The following NRG1 variants were observed in gnomAD, a reference collection of about 807,000 sequenced individuals.
NRG1 encodes the protein neuregulin 1, also known as pro-neuregulin-1, membrane-bound isoform.
A neutral mutation model predicts 63.8 loss-of-function variants in NRG1; 18 were observed. The observed-to-expected ratio is 0.28, with a 90% CI of 0.19 to 0.42. The LOEUF is 0.42. Among genes scored for constraint, NRG1 ranks in the 10% least tolerant of loss-of-function variants. The pLI is 1.00. For missense variants in NRG1, 762 were observed against 814.7 expected, an observed-to-expected ratio of 0.94 and a Z score of 0.79; for synonymous variants, 302 against 301.3, an observed-to-expected ratio of 1.00 and a Z score of -0.02.
intron 1 of NRG1, among the ~76,000 whole-genome samples, chr8:32,432,866 C>T (rs1026545395): frequency 6.6e-6 from 1 of 152,104 alleles, no homozygotes; most frequent in Non-Finnish European, 1.5e-5. Flanking sequence ...TTCAGCAAGT[C>T]GCATTCGGGT....
intron 1 of NRG1, among the ~76,000 whole-genome samples, chr8:32,303,183 C>CAAAAAAAA (rs1563291349): frequency 1.7e-4 from 10 of 59,698 alleles, no homozygotes; most frequent in Non-Finnish European, 2.6e-4. Context: ...AACTCAGTCT[C>CAAAAAAAA]CAAAAAAAAA....
intron 1 of NRG1, among the ~76,000 whole-genome samples, chr8:32,170,420 C>T (rs1204410654): frequency 2.0e-5 from 3 of 152,096 alleles, no homozygotes; most frequent in African/African-American, 4.8e-5. Flanking sequence ...ATATCCACAG[C>T]GTCTTAGCAG....
intron 1 of NRG1, among the ~76,000 whole-genome samples, chr8:31,720,982 G>A (rs772000373): frequency 6.6e-6 from 1 of 152,120 alleles, no homozygotes; most frequent in Non-Finnish European, 1.5e-5. Flanking sequence ...AACTGATAGA[G>A]GGAAGCCAGG....
intron 1 of NRG1, among the ~76,000 whole-genome samples, chr8:31,772,578 G>A (rs1179854302): frequency 1.3e-5 from 2 of 152,222 alleles, no homozygotes; most frequent in East Asian, 3.9e-4. Flanking sequence ...TGGGAAGGTA[G>A]GTGTCAGGAT....
At chr8:32,704,528 TAAAC>T (rs1333124640) in intron 5 of NRG1, among the ~76,000 whole-genome samples, 1 of 152,146 alleles carries the variant, frequency 6.6e-6, no homozygotes, top group East Asian at 1.9e-4. Flanking sequence ...AACCGTAAGA[TAAAC>T]AAACAAAAGG....
chr8:32,527,060 G>C (rs1224578038), intron 1 of NRG1, among the ~76,000 whole-genome samples: 1 of 152,042 alleles, frequency 6.6e-6, no homozygotes, highest in Non-Finnish European at 1.5e-5. Flanking sequence ...TCTGTACTTG[G>C]ACTCAAAGAC....
At chr8:32,568,872 A>C (rs1837968936) in intron 1 of NRG1, among the ~76,000 whole-genome samples, 1 of 152,172 alleles carries the variant, frequency 6.6e-6, no homozygotes, top group Non-Finnish European at 1.5e-5. Context: ...TCTTGTTAGT[A>C]CAGAGAAATA....
At chr8:32,383,962 C>G (rs1202101774) in intron 1 of NRG1, among the ~76,000 whole-genome samples, 1 of 152,168 alleles carries the variant, frequency 6.6e-6, no homozygotes, top group Non-Finnish European at 1.5e-5. Context: ...AAGCTGGGCA[C>G]AGTGGCTCAC....
intron 1 of NRG1, among the ~76,000 whole-genome samples, chr8:31,757,743 A>T (rs978901703): frequency 6.6e-6 from 1 of 152,158 alleles, no homozygotes; most frequent in Non-Finnish European, 1.5e-5. Context: ...ACACGATAGT[A>T]TCACATTTTT....
Position 31,813,632 on chromosome 8 carries a change from C to T in NRG1, c.37+174201C>T, listed in dbSNP as rs370531894. Among the ~76,000 whole-genome samples the T allele has an allele frequency of 1.7e-4, 26 of 151,532 alleles. No individual in the cohort carries two copies. In the East Asian group the frequency reaches 3.5e-3, roughly 21 times the overall value. ...AACCTCCTGGGATCAAGTGACTCCC[C>T]TGCCTCAACCCCCTGACCCTCACTA... On this transcript the variant is annotated intron_variant, in intron 1 of 10. Transcript: ENST00000519301.
rs193191797 is a variant in NRG1, at chr8:32,127,172, T to C, written c.38-468656T>C. ...TGACTCTTTAGCTGAAAGCCTAGGATGTAGGACAAGTGGCTAACCTGTTTT... is the reference window on the plus strand; with the variant it reads ...TGACTCTTTAGCTGAAAGCCTAGGACGTAGGACAAGTGGCTAACCTGTTTT... On this transcript the variant is annotated intron_variant, in intron 1 of 10. Transcript: ENST00000519301. Among the ~76,000 whole-genome samples, 10 of 152,084 alleles carry C rather than the reference T, an allele frequency of 6.6e-5. No homozygotes were observed. The East Asian group carries it at 1.9e-3, about 30-fold the overall frequency.
chr8:32,608,111 T>G lies in NRG1; in HGVS notation c.400+2428T>G, dbSNP rs867922200. The stretch of plus-strand genomic sequence containing the variant: ...TTTTTTGTTTTTTTTTTTTTTGTTT[T>G]TTTTTTTTTTTGCTTCATTCCTACC... On this transcript the variant is annotated intron_variant, in intron 3 of 11. Transcript: ENST00000356819. Among the ~76,000 whole-genome samples the G allele has an allele frequency of 1.1e-3, 151 of 136,986 alleles. 1 individual carries two copies. The highest frequency in any genetic ancestry group is 3.7e-3 in the Middle Eastern group (1 of 272). The allele number at this position is 136,986 out of a possible 152,430, so 89.9% of individuals were successfully genotyped here.
In NRG1 at chr8:31,943,593, G is replaced by A. The variant is rs932133683; in HGVS notation, c.37+304162G>A. On this transcript the variant is annotated intron_variant, in intron 1 of 10. Coordinates refer to the NRG1 transcript ENST00000519301. Reference sequence around the variant, plus strand: ...TGAACCAAAGGTATTGCACGAGGAAGCAACATAAATAAACTTAGTGAGTGA... The same window carrying A: ...TGAACCAAAGGTATTGCACGAGGAAACAACATAAATAAACTTAGTGAGTGA... Among the ~76,000 whole-genome samples the A allele has an allele frequency of 9.9e-5, 15 of 152,142 alleles. 1 individual carries two copies. The highest frequency in any genetic ancestry group is 4.1e-4 in the South Asian group (2 of 4,824).
At chr8:32,138,224 A>C (rs982088888) in intron 1 of NRG1, among the ~76,000 whole-genome samples, 1 of 152,160 alleles carries the variant, frequency 6.6e-6, no homozygotes, top group Admixed American at 6.5e-5. Flanking sequence ...TTTAAACATC[A>C]GGGGCGATGT....
chr8:31,847,279 T>G (rs1205712572), intron 1 of NRG1, among the ~76,000 whole-genome samples: 1 of 151,786 alleles, frequency 6.6e-6, no homozygotes, highest in East Asian at 2.0e-4. Flanking sequence ...TTTCTAAGTT[T>G]ACCTAAGACT....
At chr8:31,801,746 A>C (rs1323188704) in intron 1 of NRG1, among the ~76,000 whole-genome samples, 1 of 152,228 alleles carries the variant, frequency 6.6e-6, no homozygotes, top group Non-Finnish European at 1.5e-5. Context: ...TCAAAGAAAT[A>C]TTATCTCTGA....
chr8:32,282,867 G>A (rs1231067816), intron 1 of NRG1, among the ~76,000 whole-genome samples: 1 of 151,990 alleles, frequency 6.6e-6, no homozygotes, highest in Non-Finnish European at 1.5e-5. Flanking sequence ...TGTATCCATT[G>A]TTTTAGAAAA....
At chr8:32,708,616 A>G in intron 5 of NRG1, among the ~76,000 whole-genome samples, 1 of 152,194 alleles carries the variant, frequency 6.6e-6, no homozygotes, top group East Asian at 1.9e-4. Context: ...TGTCTGAGAT[A>G]TTGTTTACTT....
intron 1 of NRG1, among the ~76,000 whole-genome samples, chr8:31,708,700 C>T (rs1811418387): frequency 6.6e-6 from 1 of 152,088 alleles, no homozygotes; most frequent in South Asian, 2.1e-4. Context: ...CCGCCTCGGC[C>T]TCCCAAAGTG....
Sources: allele counts gnomAD v4.1 joint callset (sites outside exome capture counted in the v4.1 genomes callset), GRCh38; gene constraint gnomAD v4.1.1; transcripts MANE v1.5; gene names NCBI Gene and HGNC (gene_info 2026-07-23, HGNC 2026-07-21).